CFAP126: variants seen among roughly 807,000 people sequenced by gnomAD.
CFAP126 encodes the protein protein Flattop.
A neutral mutation model predicts 17.1 loss-of-function variants in CFAP126; 21 were observed. The ratio of observed to expected loss-of-function variants is 1.23; its 90% CI spans 0.87 to 1.77. The LOEUF is 1.77. Among genes scored for constraint, CFAP126 ranks in the 40% most tolerant of loss-of-function variants. The probability of loss-of-function intolerance (pLI) is 0.00; values close to 1 mark genes in which losing one functional copy is unlikely to be tolerated. For missense variants in CFAP126, 174 were observed against 215.4 expected, an observed-to-expected ratio of 0.81 and a Z score of 1.20; for synonymous variants, 65 against 73.5, an observed-to-expected ratio of 0.88 and a Z score of 0.59.
chr1:161,365,553 A>G lies in CFAP126; in HGVS notation c.321T>C (p.Asn107=). The G allele has an allele frequency of 6.2e-7, 1 of 1,614,220 alleles. No individual in the cohort carries two copies. The highest frequency in any genetic ancestry group is 8.5e-7 in the Non-Finnish European group (1 of 1,180,034). The change falls in exon 4 of 5, where the codon AAT becomes AAC. Residue 107 remains asparagine, a synonymous_variant. Transcript: ENST00000367974. ...QKNPDLLKAS[N]GLCPEILGKP... is the part of the protein sequence containing the mutation. ...TGCCTAAGATTTCAGGACACAGCCC[A>G]TTGGAGGCCTTGAGTAAATCAGGAT...
intron 3 of CFAP126, 94 bp downstream of exon 3, chr1:161,366,104 A>G (rs1672719982): frequency 9.1e-7 from 1 of 1,096,734 alleles, no homozygotes; most frequent in East Asian, 2.4e-5. Context: ...TTAAACTTTA[A>G]TTTTCCCGAT....
At chr1:161,367,819 A>G in intron 1 of CFAP126, 23 bp downstream of exon 1, 7 of 1,606,424 alleles carry the variant, frequency 4.4e-6, no homozygotes, top group Non-Finnish European at 6.0e-6. Flanking sequence ...TAAACGTTAA[A>G]GAAATGGAGA....
rs1328111526 is a variant in CFAP126, at chr1:161,364,969, G to T, written c.530C>A (p.Ser177Tyr). 2.5e-6 allele frequency: 4 copies of T among 1,613,932 alleles called. No homozygotes were observed. The Admixed American group carries it at 6.7e-5, about 27-fold the overall frequency. Residue 177 changes from serine (S) to tyrosine (Y), a missense_variant, in exon 5 of 5, where the codon TCC becomes TAC. Physicochemically the swap from Ser to Tyr is moderately radical, Grantham distance 144 (BLOSUM62 -2). Coordinates refer to ENST00000367974, the MANE Select transcript of CFAP126 (RefSeq NM_001013625.4). Reference protein sequence around the residue: ...HTPGPQRPAKS With the variant: ...HTPGPQRPAKY ...CGTGGACTTCCAGGTGGGCTCTTAGGATTTGGCTGGTCTTTGGGGACCTGG... is the reference window on the plus strand; with the variant it reads ...CGTGGACTTCCAGGTGGGCTCTTAGTATTTGGCTGGTCTTTGGGGACCTGG...
intron 1 of CFAP126, 115 bp from the exon 2 acceptor site, chr1:161,366,616 C>T (rs946937354): frequency 1.1e-6 from 1 of 893,090 alleles, no homozygotes; most frequent in African/African-American, 1.7e-5. Flanking sequence ...ACCATGTAGG[C>T]TTTAAGTCAC....
chr1:161,366,782 T>TG, intron 1 of CFAP126: 1 of 207,334 alleles, frequency 4.8e-6, no homozygotes, highest in Non-Finnish European at 8.8e-6. Context: ...TTTTCTTTTC[T>TG]TTTTTTTTTT....
intron 4 of CFAP126, 103 bp downstream of exon 4, chr1:161,365,423 G>T (rs1049695160): frequency 7.3e-7 from 1 of 1,378,992 alleles, no homozygotes; most frequent in Non-Finnish European, 1.0e-6. Context: ...ATTGGTTAGA[G>T]GTCCCCCATG....
chr1:161,367,138 A>T (rs1376258598), intron 1 of CFAP126: 1 of 152,272 alleles, frequency 6.6e-6, no homozygotes, highest in Non-Finnish European at 1.5e-5. Flanking sequence ...TTAAATACTG[A>T]TTAAATGTTG....
chr1:161,365,566 A>G lies in CFAP126; in HGVS notation c.308T>C (p.Leu103Pro). ...AGGACACAGCCCATTGGAGGCCTTG[A>G]GTAAATCAGGATTTTTCTGTATCCA... is the stretch of plus-strand genomic sequence containing the variant. ...TKWIQKNPDL[L>P]KASNGLCPEI... is the part of the protein sequence containing the mutation. Residue 103 changes from leucine (L) to proline (P), a missense_variant, in exon 4 of 5, where the codon CTC becomes CCC. Coordinates refer to ENST00000367974, the MANE Select transcript of CFAP126 (RefSeq NM_001013625.4). 6.2e-7 allele frequency: 1 copy of G among 1,614,228 alleles called. No homozygotes were observed.
intron 2 of CFAP126, 53 bp downstream of exon 2, chr1:161,366,385 TA>T (rs1672731321): frequency 2.5e-6 from 4 of 1,581,058 alleles, no homozygotes; most frequent in African/African-American, 1.4e-5. Context: ...TAAAAGGAGT[TA>T]ATTGACAGGG....
At chr1:161,366,361 A>G in intron 2 of CFAP126, 78 bp downstream of exon 2, 1 of 1,566,722 alleles carries the variant, frequency 6.4e-7, no homozygotes, top group African/African-American at 1.4e-5. Flanking sequence ...AGGATATGGG[A>G]GTTTAGAGAA....
chr1:161,365,012 G>T lies in CFAP126; in HGVS notation c.487C>A (p.Pro163Thr). Residue 163 changes from proline to threonine, a missense_variant, in exon 5 of 5, where the codon CCC becomes ACC. Pro to Thr is a conservative substitution (Grantham distance 38, BLOSUM62 -1). Coordinates refer to ENST00000367974, the MANE Select transcript of CFAP126 (RefSeq NM_001013625.4). ...GGACCTGGAGTATGACCTGCAGAGGGGTGTGAGCTTTGGAGTTCATCTGGG... is the reference window on the plus strand; with the variant it reads ...GGACCTGGAGTATGACCTGCAGAGGTGTGTGAGCTTTGGAGTTCATCTGGG... ...NSPDELQSSHPSAGHTPGPQR... is the reference protein window; with the variant it reads ...NSPDELQSSHTSAGHTPGPQR... 1 of 1,614,178 alleles carries T rather than the reference G, an allele frequency of 6.2e-7. No homozygotes were observed. The highest frequency in any genetic ancestry group is 1.1e-5 in the South Asian group (1 of 91,076).
chr1:161,365,183 G>A (rs754623839), intron 4 of CFAP126, 33 bp from the exon 5 acceptor site: 2 of 1,594,766 alleles, frequency 1.3e-6, no homozygotes, highest in South Asian at 2.2e-5. Flanking sequence ...AGATAGTCAT[G>A]TCTCTGGTCA....
chr1:161,365,791 G>A, intron 3 of CFAP126, 89 bp from the exon 4 acceptor site: 1 of 1,179,242 alleles, frequency 8.5e-7, no homozygotes, highest in Non-Finnish European at 1.2e-6. Flanking sequence ...TTACCTTTAG[G>A]AATGCATGGT....
chr1:161,366,614 G>A lies in CFAP126; in HGVS notation c.28-113C>T. On this transcript the variant is annotated intron_variant, in intron 1 of 4. Transcript: ENST00000367974. ...GACCAAAGGCCTGACCAACCATGTAGGCTTTAAGTCACTATGACAAGGGTG... is the reference window on the plus strand; with the variant it reads ...GACCAAAGGCCTGACCAACCATGTAAGCTTTAAGTCACTATGACAAGGGTG... The A allele has an allele frequency of 4.3e-6, 4 of 928,138 alleles. No individual in the cohort carries two copies. In the Admixed American group the frequency reaches 7.2e-5, roughly 17 times the overall value. 57.5% of individuals were successfully genotyped at this position (928,138 alleles called of 1,614,324 possible). A position where few individuals can be genotyped will look rare whatever the true frequency, so the allele number is the denominator to read the frequency against.
intron 2 of CFAP126, 42 bp from the exon 3 acceptor site, chr1:161,366,320 AAG>A (rs1354373571): frequency 1.9e-6 from 3 of 1,584,960 alleles, no homozygotes; most frequent in African/African-American, 2.7e-5. Context: ...TGAGGGGAAA[AAG>A]GGAAGTATTT....
rs1257392225 is a variant in CFAP126 at position 161,365,145 on chromosome 1, A to G, written c.354T>C (p.His118=). Residue 118 remains histidine, a synonymous_variant, in exon 5 of 5, where the codon CAT becomes CAC. Transcript: ENST00000367974. ...TGAGTTTCTTCTGACTGTCTGGATC[A>G]TGGGGCTGTCAGTGATAAGAGTGGG... The part of the protein sequence containing the change: ...GLCPEILGKP[H]DPDSQKKLRK... The G allele has an allele frequency of 3.7e-6, 6 of 1,614,000 alleles. No homozygotes were observed. The highest frequency in any genetic ancestry group is 5.1e-6 in the Non-Finnish European group (6 of 1,179,878).
chr1:161,365,045 G>T lies in CFAP126; in HGVS notation c.454C>A (p.Leu152Ile). 1 of 1,614,182 alleles carries T rather than the reference G, an allele frequency of 6.2e-7. No individual in the cohort carries two copies. Among genetic ancestry groups the T allele is most frequent in the Non-Finnish European group, 8.5e-7 (1 of 1,180,018 alleles). Residue 152 changes from leucine to isoleucine, a missense_variant, in exon 5 of 5, where the codon CTC becomes ATC. Leu to Ile is a conservative substitution (Grantham distance 5). Transcript: ENST00000367974. The stretch of plus-strand genomic sequence containing the variant: ...CTTTGGAGTTCATCTGGGGAATTGA[G>T]GTTGGCAGCTGGGGAGCTTGGAATT... ...TIIPSSPAAN[L>I]NSPDELQSSH...
Position 161,365,164 on chromosome 1 carries a change from G to A in CFAP126, c.349-14C>T, listed in dbSNP as rs375789353. On this transcript the variant is annotated splice_polypyrimidine_tract_variant and intron_variant, in intron 4 of 4. Transcript: ENST00000367974. ...TGGATCATGGGGCTGTCAGTGATAAGAGTGGGAGAGATAGTCATGTCTCTG... is the reference window on the plus strand; with the variant it reads ...TGGATCATGGGGCTGTCAGTGATAAAAGTGGGAGAGATAGTCATGTCTCTG... 8.7e-5 allele frequency: 141 copies of A among 1,612,140 alleles called. 1 individual carries two copies. In the East Asian group the frequency reaches 9.8e-4, roughly 11 times the overall value.
intron 4 of CFAP126, 70 bp from the exon 5 acceptor site, chr1:161,365,220 A>G: frequency 1.4e-6 from 2 of 1,461,626 alleles, no homozygotes; most frequent in South Asian, 1.2e-5. Flanking sequence ...AATGCACCTC[A>G]GGATTCTAAC....
Sources: gnomAD v4.1 joint callset for allele counts on GRCh38, gnomAD v4.1.1 for gene constraint, MANE v1.5 for transcripts, NCBI Gene and HGNC (gene_info 2026-07-23, HGNC 2026-07-21) for gene names.